The following INO80 variants were observed in gnomAD, a reference collection of about 807,000 sequenced individuals.
INO80 encodes chromatin-remodeling ATPase INO80.
Under a neutral mutation model 203.4 loss-of-function variants are expected in INO80, and 20 were observed. The observed-to-expected ratio is 0.10, with a 90% confidence interval of 0.07 to 0.14. The LOEUF (loss-of-function observed/expected upper bound fraction) is 0.14, where lower values mean the gene tolerates loss of function less well. INO80 is among the 10% of genes least tolerant of loss of function. INO80 has a pLI of 1.00. For synonymous variants in INO80, 726 were observed against 685.2 expected (o/e 1.06, Z -0.93); for missense variants, 1,419 against 1,914.4 (o/e 0.74, Z 4.83).
At chr15:41,061,760 G>A (rs1240274165) in intron 14 of INO80, among the ~76,000 whole-genome samples, 1 of 152,054 alleles carries the variant, frequency 6.6e-6, no homozygotes, top group Non-Finnish European at 1.5e-5. Context: ...CGAATTTTTA[G>A]AACTGAAAAA....
At chr15:41,038,446 C>G (rs1334556156) in intron 24 of INO80, among the ~76,000 whole-genome samples, 1 of 152,196 alleles carries the variant, frequency 6.6e-6, no homozygotes, top group Non-Finnish European at 1.5e-5. Flanking sequence ...CACCTCCTAA[C>G]CAGGATCTTT....
intron 14 of INO80, among the ~76,000 whole-genome samples, chr15:41,067,821 T>C (rs2045246925): frequency 6.6e-6 from 1 of 152,316 alleles, no homozygotes; most frequent in East Asian, 1.9e-4. Flanking sequence ...CAAAATACTA[T>C]CTTAACTGTG....
intron 31 of INO80, among the ~76,000 whole-genome samples, chr15:40,986,647 T>C (rs1281534609): frequency 6.6e-6 from 1 of 151,808 alleles, no homozygotes; most frequent in African/African-American, 2.4e-5. Context: ...TTTTAAAAGA[T>C]GGAGTTTCAC....
chr15:41,004,237 A>G (rs1208267196), intron 28 of INO80, among the ~76,000 whole-genome samples: 1 of 152,226 alleles, frequency 6.6e-6, no homozygotes, highest in Non-Finnish European at 1.5e-5. Context: ...TTGTTGGTCA[A>G]ACAGGCACCT....
At chr15:41,068,352 C>T (rs1356204688) in intron 14 of INO80, among the ~76,000 whole-genome samples, 2 of 151,516 alleles carry the variant, frequency 1.3e-5, no homozygotes, top group African/African-American at 4.9e-5. Flanking sequence ...GTCGGGAGTT[C>T]GAGACCAGCC....
chr15:41,079,911 A>C lies in INO80; in HGVS notation c.928-7T>G. The C allele has an allele frequency of 6.2e-7, 1 of 1,612,524 alleles. No homozygotes were observed. The highest frequency in any genetic ancestry group is 8.5e-7 in the Non-Finnish European group (1 of 1,179,754). ...TCATGCACTGGTGAGCAAGCTGAAA[A>C]CAACAACAGCATTACAGCGGAAAGG... is the stretch of plus-strand genomic sequence containing the variant. On this transcript the variant is annotated splice_region_variant and splice_polypyrimidine_tract_variant and intron_variant, in intron 8 of 35. Coordinates refer to ENST00000648947, the MANE Select transcript of INO80 (RefSeq NM_017553.3).
chr15:41,016,255 A>T, intron 26 of INO80, 40 bp from the exon 27 acceptor site: 1 of 1,598,694 alleles, frequency 6.3e-7, no homozygotes. Context: ...ACTGTATTTA[A>T]TTGAAGCGAC....
chr15:41,060,952 G>A (rs1339849557), intron 14 of INO80, among the ~76,000 whole-genome samples: 1 of 152,128 alleles, frequency 6.6e-6, no homozygotes, highest in African/African-American at 2.4e-5. Context: ...TCACATGAAT[G>A]AAAGCCTACA....
chr15:40,997,693 A>G, intron 28 of INO80, 92 bp from the exon 29 acceptor site: 1 of 820,994 alleles, frequency 1.2e-6, no homozygotes, highest in East Asian at 2.6e-5. Context: ...CAGAACATAA[A>G]GTCTAGGACT....
At position 40,987,770 on chromosome 15, in the gene INO80, TTC is replaced by T. The variant is rs535883997; in HGVS notation, c.3729+44_3729+45del. 593 of 1,574,488 alleles carry T rather than the reference TTC, an allele frequency of 3.8e-4. 2 individuals are homozygous for T. In the African/African-American group the frequency reaches 4.8e-3, roughly 13 times the overall value. ...TCAATGCAGTCAATGTGGTTGGACT[TTC>T]TGTTTGCTCCACCAGTGTAGGAATT... On this transcript the variant is annotated intron_variant, in intron 30 of 35. Transcript: ENST00000648947.
chr15:41,021,206 T>C (rs2044289022), intron 25 of INO80, 81 bp from the exon 26 acceptor site: 13 of 913,658 alleles, frequency 1.4e-5, no homozygotes, highest in Non-Finnish European at 7.1e-6. Context: ...AACTTTGAAA[T>C]CAGACTAATG....
At chr15:41,089,130 C>A (rs1389132978) in intron 5 of INO80, among the ~76,000 whole-genome samples, 3 of 152,160 alleles carry the variant, frequency 2.0e-5, no homozygotes, top group African/African-American at 7.2e-5. Flanking sequence ...GCAGAGGTTG[C>A]AGTGAGCCAA....
At chr15:41,045,865 C>A in intron 23 of INO80, among the ~76,000 whole-genome samples, 1 of 151,038 alleles carries the variant, frequency 6.6e-6, no homozygotes. Flanking sequence ...CGAGCCACTG[C>A]ACTCCAACCT....
chr15:41,005,732 C>T (rs924985759), intron 27 of INO80, 45 bp from the exon 28 acceptor site: 2 of 1,091,318 alleles, frequency 1.8e-6, no homozygotes, highest in East Asian at 2.4e-5. Context: ...ATGCAAATTA[C>T]TGTATTCTGA....
In INO80 at chr15:41,092,199, T is replaced by A. The variant is rs910796605; in HGVS notation, c.382-17A>T. 6.4e-7 allele frequency: 1 copy of A among 1,564,280 alleles called. No homozygotes were observed. Among genetic ancestry groups the A allele is most frequent in the Non-Finnish European group, 8.7e-7 (1 of 1,143,238 alleles). Reference sequence around the variant, plus strand: ...CAGAATGCTCTGAAAAGGGTGAAAATAGAAATGTATCTTTTGCTGTGAAGC... The same window carrying A: ...CAGAATGCTCTGAAAAGGGTGAAAAAAGAAATGTATCTTTTGCTGTGAAGC... On this transcript the variant is annotated splice_polypyrimidine_tract_variant and intron_variant, in intron 4 of 35. Coordinates refer to ENST00000648947, the MANE Select transcript of INO80 (RefSeq NM_017553.3).
chr15:41,072,034 T>C lies in INO80; in HGVS notation c.1420A>G (p.Lys474Glu). ...ARTRSFDEDA[K>E]ESRAAALRAA... ...CGTAGGGCAGCTGCTCGACTTTCTTTTGCATCTTCATCAAATGACCTTGTC... is the reference window on the plus strand; with the variant it reads ...CGTAGGGCAGCTGCTCGACTTTCTTCTGCATCTTCATCAAATGACCTTGTC... Residue 474 changes from lysine to glutamate, a missense_variant, in exon 12 of 36, where the codon AAA (lysine) becomes GAA (glutamate). By Grantham distance (56) the Lys-to-Glu change is moderately conservative (BLOSUM62 1). Transcript: ENST00000648947. The C allele has an allele frequency of 1.9e-6, 3 of 1,595,556 alleles. No individual in the cohort carries two copies. The highest frequency in any genetic ancestry group is 2.3e-5 in the East Asian group (1 of 44,430).
intron 27 of INO80, among the ~76,000 whole-genome samples, chr15:41,010,920 C>A (rs2140449201): frequency 6.6e-6 from 1 of 152,232 alleles, no homozygotes; most frequent in South Asian, 2.1e-4. Flanking sequence ...TGGGGTATAT[C>A]ATTAGCAAAA....
chr15:41,003,042 C>A (rs2043982422), intron 28 of INO80, among the ~76,000 whole-genome samples: 1 of 151,976 alleles, frequency 6.6e-6, no homozygotes. Context: ...ATCGCTTGAA[C>A]CCAGGAGGTG....
At chr15:41,003,389 G>A (rs1393155937) in intron 28 of INO80, among the ~76,000 whole-genome samples, 2 of 139,228 alleles carry the variant, frequency 1.4e-5, no homozygotes, top group Non-Finnish European at 3.1e-5. Flanking sequence ...GGAGTGGAGT[G>A]GTGGATCTCT....
Sources: allele counts gnomAD v4.1 joint callset (sites outside exome capture counted in the v4.1 genomes callset), GRCh38; gene constraint gnomAD v4.1.1; transcripts MANE v1.5; gene names NCBI Gene and HGNC (gene_info 2026-07-23, HGNC 2026-07-21).